SKIC2: variants seen among roughly 807,000 people sequenced by gnomAD.
SKIC2 encodes the protein SKI2 subunit of superkiller complex.
At chr6:31,967,371 C>G in the SKIC2 span, 2 of 1,609,294 alleles carry the variant, frequency 1.2e-6, no homozygotes, top group Non-Finnish European at 8.5e-7. The surrounding 1 kb of genome is among the most constrained non-coding windows in gnomAD (Gnocchi z 4.9). Flanking sequence ...TGGGAGTGAT[C>G]CTACAGGTGA....
chr6:31,963,878 A>T, the SKIC2 span: 1 of 1,576,370 alleles, frequency 6.3e-7, no homozygotes, highest in Non-Finnish European at 8.7e-7. The surrounding 1 kb of genome is among the most constrained non-coding windows in gnomAD (Gnocchi z 5.3). Context: ...CAGGAACTCA[A>T]CCTCTGCTCC....
the SKIC2 span, among the ~76,000 whole-genome samples, chr6:31,966,345 G>A: frequency 2.0e-5 from 3 of 151,946 alleles, no homozygotes; most frequent in African/African-American, 7.3e-5. The surrounding 1 kb of genome is among the most constrained non-coding windows in gnomAD (Gnocchi z 5.9). Context: ...GGCTCAAGCA[G>A]TCTGTCTGCC....
the SKIC2 span, chr6:31,965,865 A>G: frequency 6.2e-7 from 1 of 1,612,892 alleles, no homozygotes; most frequent in Non-Finnish European, 8.5e-7. This position sits in a 1 kb window ranked among gnomAD's most constrained non-coding sequence, Gnocchi z 5.6. Context: ...CGCAAACACG[A>G]TGGCTCCACC....
At chr6:31,964,086 C>T in the SKIC2 span, 1 of 1,612,648 alleles carries the variant, frequency 6.2e-7, no homozygotes. This position sits in a 1 kb window ranked among gnomAD's most constrained non-coding sequence, Gnocchi z 5.0. Flanking sequence ...TGCAGCGCTG[C>T]CTTGCTCGCC....
the SKIC2 span, chr6:31,963,579 A>C: frequency 6.5e-7 from 1 of 1,549,884 alleles, no homozygotes; most frequent in Non-Finnish European, 8.7e-7. This position sits in a 1 kb window ranked among gnomAD's most constrained non-coding sequence, Gnocchi z 5.3. Flanking sequence ...GAGATGGGGG[A>C]AAGAGTTAGG....
the SKIC2 span, among the ~76,000 whole-genome samples, chr6:31,965,077 C>T: frequency 6.6e-6 from 1 of 152,168 alleles, no homozygotes; most frequent in Non-Finnish European, 1.5e-5. This position sits in a 1 kb window ranked among gnomAD's most constrained non-coding sequence, Gnocchi z 5.6. Flanking sequence ...AAGATAGCAC[C>T]GCTGCACTCC....
chr6:31,967,403 C>T, the SKIC2 span: 1 of 1,564,592 alleles, frequency 6.4e-7, no homozygotes, highest in Non-Finnish European at 8.8e-7. This position sits in a 1 kb window ranked among gnomAD's most constrained non-coding sequence, Gnocchi z 4.9. Context: ...ATTTGGACTC[C>T]AGAGGGTGGG....
At chr6:31,963,189 G>A in the SKIC2 span, 1 of 919,910 alleles carries the variant, frequency 1.1e-6, no homozygotes, top group Non-Finnish European at 1.7e-6. The surrounding 1 kb of genome is among the most constrained non-coding windows in gnomAD (Gnocchi z 5.3). Flanking sequence ...GAGCGGTCAG[G>A]CCTTAGGGGT....
At chr6:31,969,502 A>G in the SKIC2 span, 10 of 1,612,994 alleles carry the variant, frequency 6.2e-6, no homozygotes, top group East Asian at 1.1e-4. The surrounding 1 kb of genome is among the most constrained non-coding windows in gnomAD (Gnocchi z 6.1). Context: ...TCCTCACCCT[A>G]CTTTCCCCAC....
chr6:31,966,548 T>A, the SKIC2 span, among the ~76,000 whole-genome samples: 1 of 152,204 alleles, frequency 6.6e-6, no homozygotes, highest in Non-Finnish European at 1.5e-5. This position sits in a 1 kb window ranked among gnomAD's most constrained non-coding sequence, Gnocchi z 5.9. Context: ...TATTTCAGTT[T>A]GCTCCCTTAT....
the SKIC2 span, chr6:31,969,417 C>T: frequency 6.2e-7 from 1 of 1,614,136 alleles, no homozygotes; most frequent in South Asian, 1.1e-5. The surrounding 1 kb of genome is among the most constrained non-coding windows in gnomAD (Gnocchi z 6.1). Flanking sequence ...GGGCCCGGGG[C>T]ATGGTGAGTA....
chr6:31,966,879 A>G, the SKIC2 span: 1 of 1,613,958 alleles, frequency 6.2e-7, no homozygotes, highest in Non-Finnish European at 8.5e-7. The surrounding 1 kb of genome is among the most constrained non-coding windows in gnomAD (Gnocchi z 5.9). Flanking sequence ...TGTGTGGAGC[A>G]GGAGGTTGGC....
At chr6:31,961,474 C>G in the SKIC2 span, 11 of 1,533,902 alleles carry the variant, frequency 7.2e-6, no homozygotes, top group Non-Finnish European at 9.7e-6. Flanking sequence ...AAGAAAGGGA[C>G]ATCTTTTGGG....
At chr6:31,964,361 A>G in the SKIC2 span, 1 of 1,594,086 alleles carries the variant, frequency 6.3e-7, no homozygotes, top group South Asian at 1.1e-5. This position sits in a 1 kb window ranked among gnomAD's most constrained non-coding sequence, Gnocchi z 5.0. Context: ...GGTGGTGGAA[A>G]GGGACTCCTC....
chr6:31,963,322 T>G, the SKIC2 span: 1 of 1,237,366 alleles, frequency 8.1e-7, no homozygotes, highest in Non-Finnish European at 1.1e-6. This position sits in a 1 kb window ranked among gnomAD's most constrained non-coding sequence, Gnocchi z 5.3. Context: ...CAGAAAAGAC[T>G]GGGTAAAGTT....
chr6:31,961,069 G>C, the SKIC2 span: 1 of 1,613,252 alleles, frequency 6.2e-7, no homozygotes, highest in Admixed American at 1.7e-5. Context: ...CTGGTTTCAA[G>C]AAAGGCATGG....
chr6:31,967,563 G>A, the SKIC2 span: 1 of 904,822 alleles, frequency 1.1e-6, no homozygotes, highest in Non-Finnish European at 1.7e-6. This position sits in a 1 kb window ranked among gnomAD's most constrained non-coding sequence, Gnocchi z 4.9. Context: ...ACCCCAAGAA[G>A]TCTGCTCTGA....
At chr6:31,961,153 GAGATGGACATGACA>G in the SKIC2 span, 1 of 1,611,220 alleles carries the variant, frequency 6.2e-7, no homozygotes, top group East Asian at 2.2e-5. Context: ...CTAAGGAACA[GAGATGGACATGACA>G]AGGTTGACCT....
the SKIC2 span, chr6:31,961,161 C>T: frequency 1.2e-6 from 2 of 1,609,628 alleles, no homozygotes; most frequent in Non-Finnish European, 1.7e-6. Context: ...CAGAGATGGA[C>T]ATGACAAGGT....
Sources: gnomAD v4.1 joint callset for allele counts (sites outside exome capture counted in the v4.1 genomes callset) on GRCh38, gnomAD v4.1.1 for gene constraint, Gnocchi (gnomAD v3.1) non-coding constraint, MANE v1.5 for transcripts, NCBI Gene and HGNC (gene_info 2026-07-23, HGNC 2026-07-21) for gene names.